Variants in CEP170 observed in about 807,000 individuals in gnomAD.
CEP170 encodes the protein centrosomal protein of 170 kDa.
A neutral mutation model predicts 151.9 loss-of-function variants in CEP170; 21 were observed. The ratio of observed to expected loss-of-function variants is 0.14; its 90% CI spans 0.10 to 0.20. The LOEUF is 0.20. Ranked by LOEUF, CEP170 falls within the 10% of genes least tolerant of loss-of-function variation. CEP170 has a pLI of 1.00. For missense variants in CEP170, 964 were observed against 1,892.9 expected, an observed-to-expected ratio of 0.51 and a Z score of 9.11; for synonymous variants, 356 against 648.8, an observed-to-expected ratio of 0.55 and a Z score of 6.86.
At chr1:243,181,092 C>T (rs946027559) in intron 10 of CEP170, among the ~76,000 whole-genome samples, 2 of 152,104 alleles carry the variant, frequency 1.3e-5, no homozygotes, top group African/African-American at 4.8e-5. Flanking sequence ...CTGTTCTTAC[C>T]ACAAGTTTCT....
chr1:243,140,502 CTTG>C (rs1000547046), intron 15 of CEP170: 25 of 154,362 alleles, frequency 1.6e-4, no homozygotes, highest in African/African-American at 5.8e-4. Context: ...AGTTTCCTAT[CTTG>C]TTTTTTCCTC....
chr1:243,215,950 A>G (rs1304309481), intron 3 of CEP170, among the ~76,000 whole-genome samples: 12 of 151,954 alleles, frequency 7.9e-5, no homozygotes, highest in Non-Finnish European at 1.6e-4. Flanking sequence ...ACACTTAGGG[A>G]AATACAAAAG....
chr1:243,146,531 G>A (rs1300096557), intron 14 of CEP170, among the ~76,000 whole-genome samples: 1 of 151,858 alleles, frequency 6.6e-6, no homozygotes, highest in Non-Finnish European at 1.5e-5. Context: ...TATTTCCATG[G>A]GTAAAAACAA....
chr1:243,139,088 T>A (rs2055495261), intron 16 of CEP170, among the ~76,000 whole-genome samples: 1 of 152,032 alleles, frequency 6.6e-6, no homozygotes, highest in South Asian at 2.1e-4. Context: ...TTTGTAGGCC[T>A]TAAGTATTTT....
intron 14 of CEP170, among the ~76,000 whole-genome samples, chr1:243,148,629 A>C (rs2056767099): frequency 6.6e-6 from 1 of 152,182 alleles, no homozygotes; most frequent in Non-Finnish European, 1.5e-5. Context: ...AATAGTTATG[A>C]ATGATTCCAT....
chr1:243,128,537 T>A, intron 18 of CEP170: 1 of 456,568 alleles, frequency 2.2e-6, no homozygotes, highest in Non-Finnish European at 3.7e-6. Flanking sequence ...TTGTAGCAGA[T>A]GAAAAGTTTA....
intron 3 of CEP170, among the ~76,000 whole-genome samples, chr1:243,212,882 C>T (rs914252203): frequency 7.9e-5 from 12 of 152,000 alleles, no homozygotes; most frequent in Non-Finnish European, 1.3e-4. Context: ...CCAGGCTGAT[C>T]GCAAACTCCT....
chr1:243,145,331 G>C (rs111352507), intron 14 of CEP170, among the ~76,000 whole-genome samples: 3,452 of 152,274 alleles, frequency 0.023, 22 homozygotes, highest in Non-Finnish European at 0.034. Flanking sequence ...TTGGAGTGCA[G>C]TGGTGCAATC....
chr1:243,190,840 T>C (rs2060265271), intron 8 of CEP170, among the ~76,000 whole-genome samples, 178 bp downstream of exon 8: 1 of 152,172 alleles, frequency 6.6e-6, no homozygotes, highest in African/African-American at 2.4e-5. Context: ...AAGACTATTT[T>C]GAATGAGGAA....
intron 8 of CEP170, among the ~76,000 whole-genome samples, chr1:243,187,266 G>A (rs2059995566): frequency 6.6e-6 from 1 of 152,160 alleles, no homozygotes; most frequent in Non-Finnish European, 1.5e-5. Context: ...CTATTTTAGA[G>A]CAAGTAAAAG....
intron 17 of CEP170, among the ~76,000 whole-genome samples, chr1:243,132,702 T>C (rs1290342829): frequency 2.0e-5 from 3 of 151,672 alleles, no homozygotes; most frequent in Non-Finnish European, 4.4e-5. Flanking sequence ...CTACAAAAAA[T>C]ATTTTTCTTT....
intron 1 of CEP170, among the ~76,000 whole-genome samples, chr1:243,228,148 A>G (rs2063452806): frequency 6.6e-6 from 1 of 152,234 alleles, no homozygotes; most frequent in Non-Finnish European, 1.5e-5. Context: ...ATATTCTGCA[A>G]TAAGAAATAT....
chr1:243,240,570 T>C (rs1306026618), intron 1 of CEP170, among the ~76,000 whole-genome samples: 1 of 152,124 alleles, frequency 6.6e-6, no homozygotes, highest in African/African-American at 2.4e-5. Context: ...TTTATCAATA[T>C]GTCTAGGCTT....
chr1:243,204,222 A>G (rs1368905616), intron 4 of CEP170, among the ~76,000 whole-genome samples: 1 of 152,170 alleles, frequency 6.6e-6, no homozygotes, highest in Non-Finnish European at 1.5e-5. Context: ...TCTCTGAATG[A>G]AAGTTCTTAA....
At chr1:243,151,803 T>A (rs2057105540) in intron 14 of CEP170, among the ~76,000 whole-genome samples, 1 of 152,216 alleles carries the variant, frequency 6.6e-6, no homozygotes. Context: ...GAAGATGCCA[T>A]CTAGGACTTT....
In CEP170 at chr1:243,156,340, T is replaced by C. The variant is rs1362344547; in HGVS notation, c.3792A>G (p.Lys1264=). 6.3e-7 allele frequency: 1 copy of C among 1,585,982 alleles called. No individual in the cohort carries two copies. Among genetic ancestry groups the C allele is most frequent in the Non-Finnish European group, 8.6e-7 (1 of 1,165,980 alleles). ...HTRLRTSPAL[K]TTRLQSAGSA... is the part of the protein sequence containing the mutation. ...ATCCAGCGCTCTGCAAGCGAGTGGT[T>C]TTCAGGGCTGGAGAAGTACGTAGAC... The change falls in exon 14 of 20, where the codon AAA becomes AAG. Residue 1264 remains lysine, a synonymous_variant. Coordinates refer to ENST00000366542, the MANE Select transcript of CEP170 (RefSeq NM_014812.3).
intron 14 of CEP170, among the ~76,000 whole-genome samples, chr1:243,155,177 T>C (rs2148452490): frequency 6.6e-6 from 1 of 152,286 alleles, no homozygotes; most frequent in East Asian, 1.9e-4. Context: ...AAAAATGTTT[T>C]AAGCAGCACG....
intron 4 of CEP170, among the ~76,000 whole-genome samples, chr1:243,203,417 T>C (rs757654387): frequency 6.6e-6 from 1 of 152,182 alleles, no homozygotes; most frequent in Non-Finnish European, 1.5e-5. Context: ...AGTAGGACTG[T>C]GGAAACTCCC....
chr1:243,211,773 A>C (rs989338700), intron 4 of CEP170, 113 bp downstream of exon 4: 1 of 1,232,196 alleles, frequency 8.1e-7, no homozygotes, highest in African/African-American at 1.5e-5. Flanking sequence ...GCACCCAATA[A>C]ATAGAAATTC....
Sources: allele counts gnomAD v4.1 joint callset (sites outside exome capture counted in the v4.1 genomes callset), GRCh38; gene constraint gnomAD v4.1.1; transcripts MANE v1.5; gene names NCBI Gene and HGNC (gene_info 2026-07-23, HGNC 2026-07-21).